The following GPD2 variants were observed in gnomAD, a reference collection of about 807,000 sequenced individuals.
The protein encoded by GPD2 is glycerol-3-phosphate dehydrogenase 2.
Under a neutral mutation model 82.4 loss-of-function variants are expected in GPD2, and 54 were observed. The ratio of observed to expected loss-of-function variants is 0.66; its 90% CI spans 0.53 to 0.82. The LOEUF (loss-of-function observed/expected upper bound fraction) is 0.82, where lower values mean the gene tolerates loss of function less well. Among genes scored for constraint, GPD2 ranks in the 40% least tolerant of loss-of-function variants. GPD2 has a pLI of 0.00. For synonymous variants in GPD2, 288 were observed against 306.1 expected (o/e 0.94, Z 0.62); for missense variants, 748 against 896.2 (o/e 0.83, Z 2.11).
Position 156,571,185 on chromosome 2 carries a change from C to CATCATATCCA in GPD2, c.1660_1661insATCATATCCA (p.Arg554HisfsTer25), listed in dbSNP as rs1687600682. On this transcript the variant is annotated frameshift_variant, in exon 13 of 17. Transcript: ENST00000438166. LOFTEE classifies it high-confidence loss of function. Reference sequence around the variant, plus strand: ...CTGCACTGCTGTGGATATGATTTCACGTCGTACTCGCCTGGCCTTTCTAAA... The same window carrying CATCATATCCA: ...CTGCACTGCTGTGGATATGATTTCACATCATATCCAGTCGTACTCGCCTGGCCTTTCTAAA... The CATCATATCCA allele has an allele frequency of 6.2e-7, 1 of 1,610,426 alleles. No individual in the cohort carries two copies. Among genetic ancestry groups the CATCATATCCA allele is most frequent in the African/African-American group, 1.3e-5 (1 of 74,804 alleles).
intron 6 of GPD2, among the ~76,000 whole-genome samples, chr2:156,523,586 A>G (rs540115577): frequency 6.6e-6 from 1 of 152,086 alleles, no homozygotes; most frequent in Non-Finnish European, 1.5e-5. Context: ...TGTTTTATCC[A>G]TGGATATTTA....
intron 2 of GPD2, among the ~76,000 whole-genome samples, chr2:156,492,371 T>A (rs1240574016): frequency 1.3e-5 from 2 of 151,714 alleles, no homozygotes; most frequent in Non-Finnish European, 2.9e-5. Context: ...CAGGCTGATC[T>A]TGAACTCCTG....
intron 6 of GPD2, among the ~76,000 whole-genome samples, chr2:156,519,990 G>T (rs1021429113): frequency 1.1e-4 from 17 of 152,232 alleles, no homozygotes; most frequent in Admixed American, 3.3e-4. Flanking sequence ...GAAGAATCAG[G>T]TCATACAGAC....
chr2:156,533,897 G>A (rs761624393), intron 6 of GPD2, among the ~76,000 whole-genome samples: 15 of 152,216 alleles, frequency 9.9e-5, no homozygotes, highest in South Asian at 6.2e-4. Flanking sequence ...CCACGGTAGC[G>A]TCTAGGGGTG....
chr2:156,536,561 C>T (rs548212200), intron 6 of GPD2, among the ~76,000 whole-genome samples: 15 of 152,318 alleles, frequency 9.8e-5, no homozygotes, highest in South Asian at 2.1e-4. Context: ...TACAGCTATA[C>T]GTGACAGCAC....
chr2:156,467,996 G>T (rs1435840484), intron 1 of GPD2, among the ~76,000 whole-genome samples: 2 of 152,022 alleles, frequency 1.3e-5, no homozygotes, highest in Non-Finnish European at 2.9e-5. Flanking sequence ...TAAAACTTGG[G>T]GAAAGAGTAG....
chr2:156,553,877 C>T (rs540763183), intron 8 of GPD2, among the ~76,000 whole-genome samples: 1 of 152,286 alleles, frequency 6.6e-6, no homozygotes, highest in Admixed American at 6.5e-5. Flanking sequence ...TCTCCTGAAG[C>T]ATGAAGGTGT....
intron 9 of GPD2, among the ~76,000 whole-genome samples, chr2:156,561,038 AG>A (rs1687148283): frequency 3.7e-5 from 1 of 27,250 alleles, no homozygotes; most frequent in African/African-American, 1.1e-4. Context: ...AGTGACATTA[AG>A]CTTTTTTTTT....
chr2:156,475,929 A>G (rs141469037), intron 1 of GPD2, among the ~76,000 whole-genome samples, 169 bp from the exon 2 acceptor site: 1 of 152,188 alleles, frequency 6.6e-6, no homozygotes, highest in East Asian at 1.9e-4. Flanking sequence ...TTTTTTGGCT[A>G]TTTATTTTGA....
upstream of GPD2, among the ~76,000 whole-genome samples, chr2:156,432,354 C>G (rs1468588692): frequency 6.6e-6 from 1 of 152,024 alleles, no homozygotes; most frequent in African/African-American, 2.4e-5. Context: ...TCTATTGATT[C>G]CATCACCCAC....
At chr2:156,455,171 G>A (rs1269724930) in intron 1 of GPD2, among the ~76,000 whole-genome samples, 1 of 152,136 alleles carries the variant, frequency 6.6e-6, no homozygotes, top group Non-Finnish European at 1.5e-5. Context: ...ACTCTCAGGA[G>A]TTGCGTCCAG....
At chr2:156,425,953 C>A in the GPD2 span, among the ~76,000 whole-genome samples, 1 of 139,462 alleles carries the variant, frequency 7.2e-6, no homozygotes, top group African/African-American at 2.6e-5. Context: ...GACACAGTTT[C>A]ACTCTGTTGC....
At chr2:156,455,334 T>C (rs1391000274) in intron 1 of GPD2, among the ~76,000 whole-genome samples, 1 of 152,228 alleles carries the variant, frequency 6.6e-6, no homozygotes, top group Non-Finnish European at 1.5e-5. Context: ...CTAGGAATGT[T>C]ATGAAGATGA....
chr2:156,468,380 G>T (rs1330912292), intron 1 of GPD2, among the ~76,000 whole-genome samples: 2 of 152,198 alleles, frequency 1.3e-5, no homozygotes, highest in Non-Finnish European at 2.9e-5. Context: ...CACTGGATTT[G>T]TATGCGAGTG....
chr2:156,456,791 A>C (rs1292110449), intron 1 of GPD2, among the ~76,000 whole-genome samples: 2 of 151,788 alleles, frequency 1.3e-5, no homozygotes, highest in Non-Finnish European at 2.9e-5. Context: ...GGGAGGGTGA[A>C]GGTGGGTTGG....
At chr2:156,473,458 T>G (rs951387116) in intron 1 of GPD2, 1 of 152,198 alleles carries the variant, frequency 6.6e-6, no homozygotes, top group Non-Finnish European at 1.5e-5. Flanking sequence ...AATGAAACAT[T>G]TTCATTGACT....
rs543793334 is a variant in GPD2 at position 156,549,063 on chromosome 2, C to T, written c.662-545C>T. Reference sequence around the variant, plus strand: ...TTTATGTGTGATTAAAAAAAAGTTACATTTTAAGAAGCCCTGATCAAAATT... The same window carrying T: ...TTTATGTGTGATTAAAAAAAAGTTATATTTTAAGAAGCCCTGATCAAAATT... On this transcript the variant is annotated intron_variant, in intron 6 of 16. Coordinates refer to ENST00000438166, the MANE Select transcript of GPD2 (RefSeq NM_000408.5). 6.4e-4 allele frequency among the ~76,000 whole-genome samples: 97 copies of T among 152,184 alleles called. No homozygotes were observed. The South Asian group carries it at 0.02, about 31-fold the overall frequency.
intron 11 of GPD2, 94 bp downstream of exon 11, chr2:156,569,632 ATTT>A: frequency 1.1e-6 from 1 of 949,526 alleles, no homozygotes; most frequent in Non-Finnish European, 1.7e-6. Context: ...CCTGATTGAG[ATTT>A]CCTTTTGCTG....
At chr2:156,450,422 A>G (rs1238758993) in intron 1 of GPD2, among the ~76,000 whole-genome samples, 5 of 152,174 alleles carry the variant, frequency 3.3e-5, no homozygotes, top group Non-Finnish European at 5.9e-5. Flanking sequence ...CAACTATTAT[A>G]TAGAAGAGAA....
Sources: gnomAD v4.1 joint callset for allele counts (sites outside exome capture counted in the v4.1 genomes callset) on GRCh38, gnomAD v4.1.1 for gene constraint, MANE v1.5 for transcripts, NCBI Gene and HGNC (gene_info 2026-07-23, HGNC 2026-07-21) for gene names.